The following GALNT14 variants were observed in gnomAD, a reference collection of about 807,000 sequenced individuals.
GALNT14 encodes the protein UDP-GalNAc:polypeptide N-acetylgalactosaminyltransferase 14.
In GALNT14, 60 loss-of-function variants were observed where a neutral mutation model predicts 77.5. That is an observed-to-expected ratio of 0.77 (90% CI 0.63 to 0.96). The LOEUF is 0.96. Ranked by LOEUF, GALNT14 falls within the 40% of genes least tolerant of loss-of-function variation. The pLI, the probability that GALNT14 is intolerant of heterozygous loss-of-function variation, is 0.00. For missense variants in GALNT14, 710 were observed against 731.0 expected (o/e 0.97, Z 0.33); for synonymous variants, 280 against 281.7 (o/e 0.99, Z 0.06).
At chr2:30,988,447 G>C (rs1395619577) in intron 2 of GALNT14, among the ~76,000 whole-genome samples, 1 of 152,222 alleles carries the variant, frequency 6.6e-6, no homozygotes, top group Non-Finnish European at 1.5e-5. Context: ...GAGGATGGCA[G>C]GACATGGAGC....
At chr2:31,009,382 T>A (rs1357903093) in intron 1 of GALNT14, among the ~76,000 whole-genome samples, 1 of 152,166 alleles carries the variant, frequency 6.6e-6, no homozygotes, top group Non-Finnish European at 1.5e-5. Flanking sequence ...CTTTGGCATC[T>A]TCTTCATTTC....
intron 1 of GALNT14, among the ~76,000 whole-genome samples, chr2:31,068,354 G>A: frequency 6.6e-6 from 1 of 151,900 alleles, no homozygotes. Flanking sequence ...ACGTGGGGTG[G>A]TACACGCCTG....
chr2:31,127,500 GCAGAGTTGAATAGTCACAT>G (rs1678759148), intron 1 of GALNT14, among the ~76,000 whole-genome samples: 1 of 152,168 alleles, frequency 6.6e-6, no homozygotes, highest in African/African-American at 2.4e-5. Flanking sequence ...AACTACAACT[GCAGAGTTGAATAGTCACAT>G]CAGAGACCAT....
chr2:31,024,134 C>A (rs1401077448), intron 1 of GALNT14, among the ~76,000 whole-genome samples: 1 of 152,088 alleles, frequency 6.6e-6, no homozygotes, highest in South Asian at 2.1e-4. Flanking sequence ...TCAATCCCTA[C>A]TGTCAGCAAA....
chr2:30,984,910 G>A lies in GALNT14; in HGVS notation c.299+7928C>T, dbSNP rs140307571. Among the ~76,000 whole-genome samples the A allele has an allele frequency of 2.8e-3, 434 of 152,288 alleles. 13 individuals carry two copies. The South Asian group carries it at 0.042, about 15-fold the overall frequency. ...TACACCCAAACCAGGGACAGGGCAG[G>A]AGCTGGGTGCCTGAACACTGAGGGC... On this transcript the variant is annotated intron_variant, in intron 2 of 14. Transcript: ENST00000349752.
intron 11 of GALNT14, among the ~76,000 whole-genome samples, chr2:30,927,627 C>A (rs1665468009): frequency 6.6e-6 from 1 of 152,172 alleles, no homozygotes. Context: ...AAGGATGCTG[C>A]AGAAGCAGTG....
At chr2:30,981,292 G>T (rs139046940) in intron 2 of GALNT14, among the ~76,000 whole-genome samples, 5 of 152,314 alleles carry the variant, frequency 3.3e-5, no homozygotes, top group African/African-American at 4.8e-5. Flanking sequence ...GGTTTTAAAG[G>T]GAAGACATCT....
intron 10 of GALNT14, among the ~76,000 whole-genome samples, chr2:30,929,951 A>C (rs76680255): frequency 6.6e-6 from 1 of 152,190 alleles, no homozygotes; most frequent in African/African-American, 2.4e-5. Context: ...TTTTGACTGC[A>C]ACCCGTCACA....
the GALNT14 span, among the ~76,000 whole-genome samples, chr2:30,889,962 G>T: frequency 0.3 from 45,061 of 151,964 alleles, 6,938 homozygotes; most frequent in African/African-American, 0.35. Flanking sequence ...GCATTAAACC[G>T]TGAGTATTTT....
intron 1 of GALNT14, chr2:31,079,137 A>G (rs544013519): frequency 2.9e-4 from 315 of 1,069,614 alleles, no homozygotes; most frequent in Non-Finnish European, 3.6e-4. Context: ...TTGGGACACC[A>G]GCTTGTTTGA....
chr2:30,957,101 C>G (rs967966760), intron 4 of GALNT14, among the ~76,000 whole-genome samples: 1 of 152,034 alleles, frequency 6.6e-6, no homozygotes, highest in East Asian at 1.9e-4. Flanking sequence ...CTTGGCTCCA[C>G]CATTGTGGTT....
chr2:30,960,807 A>G (rs1230405333), intron 3 of GALNT14, among the ~76,000 whole-genome samples: 2 of 152,154 alleles, frequency 1.3e-5, no homozygotes, highest in Admixed American at 1.3e-4. Context: ...CTGCCTCTAC[A>G]GCAAAGCAAA....
chr2:31,034,441 C>T lies in GALNT14; in HGVS notation c.130-41434G>A, dbSNP rs111930009. Among the ~76,000 whole-genome samples, 492 of 152,316 alleles carry T rather than the reference C, an allele frequency of 3.2e-3. 6 individuals are homozygous for T. Among genetic ancestry groups the T allele is most frequent in the African/African-American group, 0.011 (476 of 41,568 alleles). ...CTTCAAAATAGAATGCAGCCTAGCA[C>T]CACAGCCCTTCACAAAACAGCCTCA... On this transcript the variant is annotated intron_variant, in intron 1 of 14. Transcript: ENST00000349752.
At chr2:30,888,330 C>T in the GALNT14 span, among the ~76,000 whole-genome samples, 1 of 152,224 alleles carries the variant, frequency 6.6e-6, no homozygotes, top group Middle Eastern at 3.2e-3. Flanking sequence ...GGACCCAATA[C>T]CAGCTCTGCT....
chr2:31,020,130 C>G (rs1671623680), intron 1 of GALNT14, among the ~76,000 whole-genome samples: 1 of 152,138 alleles, frequency 6.6e-6, no homozygotes, highest in Non-Finnish European at 1.5e-5. Context: ...ATGAGCAACT[C>G]AGTCAGGGAC....
chr2:31,088,736 A>G (rs1285239726), intron 1 of GALNT14, among the ~76,000 whole-genome samples: 2 of 152,212 alleles, frequency 1.3e-5, no homozygotes, highest in Non-Finnish European at 2.9e-5. Context: ...AGGATGGGTG[A>G]TGCTAGATTA....
At chr2:31,084,993 C>T (rs1194174794) in intron 1 of GALNT14, among the ~76,000 whole-genome samples, 1 of 151,004 alleles carries the variant, frequency 6.6e-6, no homozygotes, top group African/African-American at 2.4e-5. Context: ...CACCATTGTA[C>T]TCCAGCCAGG....
At chr2:31,101,086 C>A (rs1283168373) in intron 1 of GALNT14, among the ~76,000 whole-genome samples, 4 of 151,920 alleles carry the variant, frequency 2.6e-5, no homozygotes, top group African/African-American at 9.7e-5. Context: ...TCAGGGACCA[C>A]CAGAATAACC....
At chr2:30,928,300 G>A (rs1391689020) in intron 11 of GALNT14, among the ~76,000 whole-genome samples, 1 of 152,204 alleles carries the variant, frequency 6.6e-6, no homozygotes, top group Admixed American at 6.5e-5. Flanking sequence ...AGTGGGTGAT[G>A]TTAGTATGAC....
Sources: gnomAD v4.1 joint callset for allele counts (sites outside exome capture counted in the v4.1 genomes callset) on GRCh38, gnomAD v4.1.1 for gene constraint, MANE v1.5 for transcripts, NCBI Gene and HGNC (gene_info 2026-07-23, HGNC 2026-07-21) for gene names.